Variants in RPL35A observed in about 807,000 individuals in gnomAD.
RPL35A encodes the protein ribosomal protein L35a.
RPL35A carries 1 observed loss-of-function variant against 16.7 expected under a neutral mutation model. The observed-to-expected ratio is 0.06, with a 90% CI of 0.02 to 0.28. The LOEUF is 0.28. RPL35A is among the 10% of genes least tolerant of loss of function. The pLI is 1.00. For missense variants in RPL35A, 91 were observed against 138.7 expected (o/e 0.66, Z 1.73); for synonymous variants, 58 against 47.0 (o/e 1.23, Z -0.96).
At position 197,953,998 on chromosome 3, in the gene RPL35A, A is replaced by C; in HGVS notation, c.165-5A>C. 6.2e-7 allele frequency: 1 copy of C among 1,612,490 alleles called. No homozygotes were observed. The highest frequency in any genetic ancestry group is 8.5e-7 in the Non-Finnish European group (1 of 1,179,874). ...TATTCCTCTTCTTTCCCTTTTTAAA[A>C]TCAGCAACACAGTCACTCCTGGCGG... is the stretch of plus-strand genomic sequence containing the variant. On this transcript the variant is annotated splice_polypyrimidine_tract_variant and splice_region_variant and intron_variant, in intron 3 of 4. Coordinates refer to ENST00000647248, the MANE Select transcript of RPL35A (RefSeq NM_000996.4).
intron 4 of RPL35A, chr3:197,954,388 C>T: frequency 1.1e-5 from 6 of 553,446 alleles, no homozygotes; most frequent in South Asian, 1.0e-4. Flanking sequence ...GGCTGGGGTG[C>T]AGTGGCATAA....
chr3:197,951,095 TG>T, intron 2 of RPL35A, 63 bp from the exon 3 acceptor site: 1 of 1,608,888 alleles, frequency 6.2e-7, no homozygotes, highest in Non-Finnish European at 8.5e-7. Context: ...TGGGTGGGGG[TG>T]ATTACAAGTC....
At chr3:197,952,884 G>A (rs1478714628) in intron 3 of RPL35A, among the ~76,000 whole-genome samples, 1 of 151,610 alleles carries the variant, frequency 6.6e-6, no homozygotes, top group East Asian at 1.9e-4. Context: ...CCAGGCTGGA[G>A]TGCAGTGGTG....
intron 3 of RPL35A, 79 bp from the exon 4 acceptor site, chr3:197,953,924 C>A: frequency 6.8e-7 from 1 of 1,465,594 alleles, no homozygotes; most frequent in Non-Finnish European, 9.5e-7. Flanking sequence ...GGGTTGAGAG[C>A]CACTCGTGTA....
chr3:197,955,843 T>G lies in RPL35A; in HGVS notation c.*70T>G. 7.9e-7 allele frequency: 1 copy of G among 1,259,138 alleles called. No homozygotes were observed. Among genetic ancestry groups the G allele is most frequent in the Non-Finnish European group, 1.2e-6 (1 of 860,108 alleles). The allele number at this position is 1,259,138 out of a possible 1,614,324, so 78.0% of individuals were successfully genotyped here. ...TTTTTAAGTGGATTAAAAAACTTAC[T>G]ACCTTAAATTGATTTGCTACATGCT... On this transcript the variant is annotated 3_prime_UTR_variant, in exon 5 of 5. Transcript: ENST00000647248.
chr3:197,952,947 C>T lies in RPL35A; in HGVS notation c.165-1056C>T, dbSNP rs775817786. ...TCCCCAGTAGCTGGGATTACAGGCG[C>T]GCACCACCACACCCGGCTAACTTTT... is the stretch of plus-strand genomic sequence containing the variant. On this transcript the variant is annotated intron_variant, in intron 3 of 4. Coordinates refer to ENST00000647248, the MANE Select transcript of RPL35A (RefSeq NM_000996.4). 1.9e-4 allele frequency among the ~76,000 whole-genome samples: 29 copies of T among 150,950 alleles called. 1 individual carries two copies. The highest frequency in any genetic ancestry group is 7.3e-4 in the Admixed American group (11 of 15,150).
chr3:197,954,187 A>G, intron 4 of RPL35A, 40 bp downstream of exon 4: 1 of 1,610,032 alleles, frequency 6.2e-7, no homozygotes, highest in African/African-American at 1.3e-5. Flanking sequence ...CTGATGAATC[A>G]GACTAGGTTC....
intron 3 of RPL35A, among the ~76,000 whole-genome samples, chr3:197,952,148 C>T (rs974413557): frequency 6.9e-6 from 1 of 145,208 alleles, no homozygotes; most frequent in Non-Finnish European, 1.5e-5. Flanking sequence ...TTTGTTAATG[C>T]CTTAAAATTA....
chr3:197,951,133 C>T (rs369141578), intron 2 of RPL35A, 26 bp from the exon 3 acceptor site: 3 of 1,613,676 alleles, frequency 1.9e-6, no homozygotes, highest in Non-Finnish European at 2.5e-6. Context: ...GCTTATGTTT[C>T]ATGTTGTGTA....
intron 3 of RPL35A, 48 bp downstream of exon 3, chr3:197,951,359 TTTTC>T (rs1720064846): frequency 1.3e-6 from 2 of 1,595,274 alleles, no homozygotes; most frequent in African/African-American, 2.7e-5. Flanking sequence ...ATCTGCCTCA[TTTTC>T]TTTTTTATAT....
At chr3:197,953,432 T>A (rs952450667) in intron 3 of RPL35A, 4 of 456,722 alleles carry the variant, frequency 8.8e-6, no homozygotes, top group South Asian at 6.2e-5. Flanking sequence ...CCACAGTAGT[T>A]TCTCTCATTC....
rs1266898415 is a variant in RPL35A, at chr3:197,951,063, G to A, written c.11+85G>A. 1.2e-5 allele frequency: 20 copies of A among 1,603,116 alleles called. No individual in the cohort carries two copies. The Admixed American group carries it at 3.2e-4, about 25-fold the overall frequency. On this transcript the variant is annotated intron_variant, in intron 2 of 4. Coordinates refer to ENST00000647248, the MANE Select transcript of RPL35A (RefSeq NM_000996.4). ...CTTAAAATTGGCAAGAAAAAACTTA[G>A]ATGTTTGCTCTGAGTAACTTTTGGG...
intron 3 of RPL35A, 84 bp downstream of exon 3, chr3:197,951,395 C>T: frequency 2.7e-6 from 4 of 1,462,014 alleles, no homozygotes; most frequent in Non-Finnish European, 3.8e-6. Flanking sequence ...GCTCTGTTGC[C>T]GAGGCTGGAA....
rs980628120 is a variant in RPL35A, at chr3:197,955,975, ATGC to A, written c.*203_*205del. 3.5e-6 allele frequency: 2 copies of A among 575,556 alleles called. No homozygotes were observed. The highest frequency in any genetic ancestry group is 6.3e-6 in the Non-Finnish European group (2 of 319,332). The allele number at this position is 575,556 out of a possible 1,614,324, so 35.7% of individuals were successfully genotyped here. A position where few individuals can be genotyped will look rare whatever the true frequency, so the allele number is the denominator to read the frequency against. ...GAGATTTAGAAGGGAACGGGTTTTA[ATGC>A]GAGTATCTTTGACAGAGTCTTGCTC... On this transcript the variant is annotated 3_prime_UTR_variant, in exon 5 of 5. Transcript: ENST00000647248.
chr3:197,951,985 C>T (rs894453861), intron 3 of RPL35A, among the ~76,000 whole-genome samples: 1 of 152,096 alleles, frequency 6.6e-6, no homozygotes, highest in East Asian at 1.9e-4. Flanking sequence ...GACGTTACTT[C>T]TGAGGGTGGT....
rs772084930 is a variant in RPL35A, at chr3:197,954,108, C to T, written c.270C>T (p.Ser90=). 4 of 1,614,184 alleles carry T rather than the reference C, an allele frequency of 2.5e-6. No individual in the cohort carries two copies. In the East Asian group the frequency reaches 8.9e-5, roughly 36 times the overall value. ...GCATGGTTCGTGCCAAATTCCGAAG[C>T]AATCTTCCTGCTAAGGCCATTGGAC... ...NSGMVRAKFR[S]NLPAKAIGHR... The change falls in exon 4 of 5, where the codon AGC becomes AGT. Residue 90 remains serine, a synonymous_variant. Transcript: ENST00000647248.
intron 3 of RPL35A, chr3:197,951,654 C>G (rs982561595): frequency 1.7e-5 from 5 of 288,704 alleles, no homozygotes; most frequent in African/African-American, 8.7e-5. Context: ...CGCCTGGCCT[C>G]ATTATCCTAT....
chr3:197,950,472 G>C (rs1719966539), intron 1 of RPL35A: 1 of 463,600 alleles, frequency 2.2e-6, no homozygotes, highest in Admixed American at 4.6e-5. Context: ...CGATGTTTTT[G>C]TTCGTGTGCA....
intron 3 of RPL35A, among the ~76,000 whole-genome samples, chr3:197,952,840 T>C (rs1720225879): frequency 6.6e-6 from 1 of 152,032 alleles, no homozygotes; most frequent in Non-Finnish European, 1.5e-5. Flanking sequence ...TGTAGACTTT[T>C]TTTTTTTTTT....
Sources: gnomAD v4.1 joint callset for allele counts (sites outside exome capture counted in the v4.1 genomes callset) on GRCh38, gnomAD v4.1.1 for gene constraint, MANE v1.5 for transcripts, NCBI Gene and HGNC (gene_info 2026-07-23, HGNC 2026-07-21) for gene names.